The following RAB11FIP3 variants were observed in gnomAD, a reference collection of about 807,000 sequenced individuals.
RAB11FIP3 encodes rab11 family-interacting protein 3.
RAB11FIP3 carries 17 observed loss-of-function variants against 77.8 expected under a neutral mutation model. The ratio of observed to expected loss-of-function variants is 0.22; its 90% CI spans 0.15 to 0.33. The LOEUF (loss-of-function observed/expected upper bound fraction) is 0.33. RAB11FIP3 is among the 10% of genes least tolerant of loss of function. The pLI, the probability that RAB11FIP3 is intolerant of heterozygous loss-of-function variation, is 1.00. For missense variants in RAB11FIP3, 1,005 were observed against 1,011.2 expected (o/e 0.99, Z 0.08); for synonymous variants, 437 against 448.2 (o/e 0.98, Z 0.31).
At chr16:501,165 A>T (rs1027154315) in intron 6 of RAB11FIP3, among the ~76,000 whole-genome samples, 9 of 152,256 alleles carry the variant, frequency 5.9e-5, no homozygotes, top group Non-Finnish European at 8.8e-5. Flanking sequence ...CGAACTTCAT[A>T]CACTTGGTAG....
intron 1 of RAB11FIP3, among the ~76,000 whole-genome samples, chr16:433,720 G>T (rs2055079854): frequency 6.6e-6 from 1 of 151,770 alleles, no homozygotes; most frequent in African/African-American, 2.4e-5. Context: ...GCTGGGTGTG[G>T]TTGCGGGCGC....
At chr16:469,339 G>T (rs951382237) in intron 2 of RAB11FIP3, among the ~76,000 whole-genome samples, 1 of 152,160 alleles carries the variant, frequency 6.6e-6, no homozygotes, top group Non-Finnish European at 1.5e-5. Context: ...CTCCCAAAGT[G>T]CTGGGATTGT....
chr16:468,070 A>G (rs1352553454), intron 2 of RAB11FIP3, among the ~76,000 whole-genome samples: 2 of 15,464 alleles, frequency 1.3e-4, no homozygotes, highest in African/African-American at 2.8e-4. Flanking sequence ...AGGTGCAGGG[A>G]AGTGAGGGAG....
At chr16:428,915 C>T (rs557867499) in intron 1 of RAB11FIP3, among the ~76,000 whole-genome samples, 63 of 152,096 alleles carry the variant, frequency 4.1e-4, no homozygotes, top group Admixed American at 1.4e-3. Flanking sequence ...TGATGAAATT[C>T]GAAGGTTGGG....
chr16:492,311 G>C (rs1410808415), intron 5 of RAB11FIP3, among the ~76,000 whole-genome samples: 1 of 140,614 alleles, frequency 7.1e-6, no homozygotes, highest in Non-Finnish European at 1.5e-5. Context: ...TGGAGCATCG[G>C]GGGTCTTGGC....
At chr16:509,689 C>T (rs575305118) in intron 8 of RAB11FIP3, among the ~76,000 whole-genome samples, 1 of 152,302 alleles carries the variant, frequency 6.6e-6, no homozygotes, top group East Asian at 1.9e-4. Context: ...CTGAGGTGAC[C>T]TGGATGGGAC....
chr16:462,222 C>G (rs2055619237), intron 2 of RAB11FIP3, among the ~76,000 whole-genome samples: 1 of 151,988 alleles, frequency 6.6e-6, no homozygotes, highest in Non-Finnish European at 1.5e-5. Context: ...TTTTGCCTAT[C>G]TCTCTTTTTT....
chr16:489,215 A>G (rs2029954157), intron 5 of RAB11FIP3: 2 of 621,968 alleles, frequency 3.2e-6, no homozygotes, highest in South Asian at 4.4e-5. Flanking sequence ...AGATCACTCT[A>G]CATTTCTGAG....
At chr16:448,582 A>G (rs1170349250) in intron 1 of RAB11FIP3, among the ~76,000 whole-genome samples, 6 of 151,612 alleles carry the variant, frequency 4.0e-5, no homozygotes, top group Non-Finnish European at 8.8e-5. Context: ...TAAAAATACA[A>G]AATATTAGCC....
intron 6 of RAB11FIP3, among the ~76,000 whole-genome samples, chr16:502,193 G>C (rs571851133): frequency 6.6e-6 from 1 of 152,380 alleles, no homozygotes; most frequent in Non-Finnish European, 1.5e-5. Context: ...AGTTTGGGTT[G>C]GTACAGATTC....
At chr16:516,778 G>A (rs996399725) in intron 9 of RAB11FIP3, among the ~76,000 whole-genome samples, 1 of 152,240 alleles carries the variant, frequency 6.6e-6, no homozygotes, top group African/African-American at 2.4e-5. Context: ...TCGGGAGGCT[G>A]AGGCAGGAGA....
rs374816109 is a variant in RAB11FIP3 at position 506,270 on chromosome 16, C to T, written c.1499+643C>T. On this transcript the variant is annotated intron_variant, in intron 8 of 13. Transcript: ENST00000262305. This position sits in a 1 kb window ranked among gnomAD's most constrained non-coding sequence, Gnocchi z 4.5. Reference sequence around the variant, plus strand: ...GCCATGTTGTCTCATAGCCGATTTGCAGGACTGTTTCCGGTGCAAAGTAAG... The same window carrying T: ...GCCATGTTGTCTCATAGCCGATTTGTAGGACTGTTTCCGGTGCAAAGTAAG... 2.0e-5 allele frequency among the ~76,000 whole-genome samples: 3 copies of T among 152,244 alleles called. No homozygotes were observed. The highest frequency in any genetic ancestry group is 3.9e-4 in the East Asian group (2 of 5,182).
chr16:441,827 T>G (rs1567358106), intron 1 of RAB11FIP3, among the ~76,000 whole-genome samples: 1 of 152,212 alleles, frequency 6.6e-6, no homozygotes, highest in East Asian at 1.9e-4. Flanking sequence ...TATGAAGTTC[T>G]CTAATCATGC....
intron 1 of RAB11FIP3, among the ~76,000 whole-genome samples, chr16:432,439 G>A (rs2055052575): frequency 6.6e-6 from 1 of 151,748 alleles, no homozygotes; most frequent in Non-Finnish European, 1.5e-5. Flanking sequence ...AGAAAAATAA[G>A]GAGCCCTTGT....
intron 7 of RAB11FIP3, among the ~76,000 whole-genome samples, chr16:503,955 TCTC>T (rs1281222654): frequency 2.8e-5 from 2 of 71,666 alleles, no homozygotes; most frequent in African/African-American, 1.2e-4. Context: ...GTACCCCTCA[TCTC>T]CTCCTGTACC....
chr16:438,179 C>T (rs538757924), intron 1 of RAB11FIP3, among the ~76,000 whole-genome samples: 1 of 152,200 alleles, frequency 6.6e-6, no homozygotes, highest in East Asian at 1.9e-4. Flanking sequence ...GTGATATCCA[C>T]TTACTGCAAC....
chr16:501,020 C>T (rs2031481090), intron 6 of RAB11FIP3, among the ~76,000 whole-genome samples: 1 of 152,180 alleles, frequency 6.6e-6, no homozygotes, highest in African/African-American at 2.4e-5. Flanking sequence ...TTTTGAGAAT[C>T]TGATGAAATC....
intron 5 of RAB11FIP3, among the ~76,000 whole-genome samples, chr16:492,438 G>A (rs1432395636): frequency 1.4e-5 from 2 of 140,978 alleles, no homozygotes; most frequent in African/African-American, 5.3e-5. Context: ...CGGGAGACCC[G>A]AGGCCGCCCA....
chr16:431,849 C>T (rs968314783), intron 1 of RAB11FIP3, among the ~76,000 whole-genome samples: 15 of 151,534 alleles, frequency 9.9e-5, no homozygotes, highest in African/African-American at 3.4e-4. Flanking sequence ...CTCCGCCTCC[C>T]GGGTTTATGC....
Sources: allele counts gnomAD v4.1 joint callset (sites outside exome capture counted in the v4.1 genomes callset), GRCh38; gene constraint gnomAD v4.1.1; non-coding constraint Gnocchi (gnomAD v3.1); transcripts MANE v1.5; gene names NCBI Gene and HGNC (gene_info 2026-07-23, HGNC 2026-07-21).